Variants in LINGO1 observed in about 807,000 individuals in gnomAD.
LINGO1 encodes the protein leucine rich repeat and Ig domain containing 1.
LINGO1 carries 11 observed loss-of-function variants against 37.3 expected under a neutral mutation model. That is an observed-to-expected ratio of 0.29 (90% CI 0.19 to 0.49). The LOEUF (loss-of-function observed/expected upper bound fraction) is 0.49, where lower values mean the gene tolerates loss of function less well. Ranked by LOEUF, LINGO1 falls within the 20% of genes least tolerant of loss-of-function variation. The probability of loss-of-function intolerance (pLI) is 0.99; values close to 1 mark genes in which losing one functional copy is unlikely to be tolerated. For synonymous variants in LINGO1, 387 were observed against 403.0 expected, an observed-to-expected ratio of 0.96 and a Z score of 0.48; for missense variants, 585 against 878.2, an observed-to-expected ratio of 0.67 and a Z score of 4.22.
upstream of LINGO1, among the ~76,000 whole-genome samples, chr15:77,635,257 T>A (rs532024499): frequency 6.6e-6 from 1 of 152,024 alleles, no homozygotes; most frequent in Non-Finnish European, 1.5e-5. Context: ...ACATGACCCC[T>A]CCCAGCTCTC....
At chr15:77,723,826 G>A (rs964257872) in intron 2 of LINGO1, among the ~76,000 whole-genome samples, 3 of 152,214 alleles carry the variant, frequency 2.0e-5, no homozygotes, top group Admixed American at 6.5e-5. Context: ...GGCACAGGTG[G>A]GGGAGGGGGC....
intron 1 of LINGO1, among the ~76,000 whole-genome samples, chr15:77,802,316 G>A (rs879865852): frequency 3.9e-5 from 6 of 152,140 alleles, no homozygotes; most frequent in Non-Finnish European, 5.9e-5. Context: ...TGACAGCAAA[G>A]AGACAGCATG....
At chr15:77,787,500 A>G (rs2076783134), upstream of LINGO1, among the ~76,000 whole-genome samples, 1 of 131,622 alleles carries the variant, frequency 7.6e-6, no homozygotes, top group Non-Finnish European at 1.6e-5. Context: ...AGAAGGACAC[A>G]GGGGTCCCGG....
chr15:77,630,852 C>T (rs964404540), intron 1 of LINGO1, among the ~76,000 whole-genome samples: 1 of 152,176 alleles, frequency 6.6e-6, no homozygotes. Flanking sequence ...TCTTTCAGCA[C>T]GGTTCCAAGG....
At chr15:77,694,263 C>T (rs2075653117) in intron 1 of LINGO1, among the ~76,000 whole-genome samples, 1 of 152,118 alleles carries the variant, frequency 6.6e-6, no homozygotes, top group African/African-American at 2.4e-5. Flanking sequence ...AGAACGCTCC[C>T]ACCGATTCTC....
chr15:77,810,999 C>T (rs936845481), intron 1 of LINGO1, among the ~76,000 whole-genome samples: 10 of 152,098 alleles, frequency 6.6e-5, no homozygotes, highest in African/African-American at 1.9e-4. Flanking sequence ...GTTTCACTTC[C>T]GATCTGTTCC....
upstream of LINGO1, chr15:77,788,358 CCTA>C (rs1333471395): frequency 4.6e-5 from 7 of 152,244 alleles, no homozygotes; most frequent in Non-Finnish European, 1.0e-4. Context: ...CATGCCTCAA[CCTA>C]CTTTATCCAC....
chr15:77,781,823 C>T (rs1028199433), intron 1 of LINGO1, among the ~76,000 whole-genome samples: 8 of 152,222 alleles, frequency 5.3e-5, no homozygotes, highest in Non-Finnish European at 7.3e-5. Context: ...ATTCATGCTT[C>T]GCACACCGAA....
chr15:77,657,545 A>G (rs56190272), intron 3 of LINGO1, among the ~76,000 whole-genome samples: 10,657 of 152,270 alleles, frequency 0.07, 515 homozygotes, highest in East Asian at 0.11. Flanking sequence ...AGGAACCCCA[A>G]AGGGGATAGG....
chr15:77,696,847 C>T (rs114862217), upstream of LINGO1, among the ~76,000 whole-genome samples: 50 of 152,378 alleles, frequency 3.3e-4, no homozygotes, highest in African/African-American at 1.2e-3. Flanking sequence ...CCCCAATTTG[C>T]AGGCTTAGAG....
intron 1 of LINGO1, among the ~76,000 whole-genome samples, chr15:77,756,485 G>GACAGAC (rs1288069939): frequency 1.5e-4 from 21 of 140,792 alleles, no homozygotes; most frequent in African/African-American, 5.8e-4. Context: ...CAGACAGACA[G>GACAGAC]ACACACACAC....
At chr15:77,660,936 A>G (rs1452566344) in intron 3 of LINGO1, among the ~76,000 whole-genome samples, 3 of 152,144 alleles carry the variant, frequency 2.0e-5, no homozygotes, top group Non-Finnish European at 4.4e-5. Context: ...AGTGCTGGGC[A>G]CTGCAGGGAG....
rs530690374 is a variant in LINGO1, at chr15:77,798,629, G to A, written c.-457-2576C>T. Among the ~76,000 whole-genome samples, 153 of 152,312 alleles carry A rather than the reference G, an allele frequency of 1.0e-3. 2 individuals carry two copies. The highest frequency in any genetic ancestry group is 9.7e-3 in the Admixed American group (149 of 15,306). Reference sequence around the variant, plus strand: ...GGGAGCCGGGCACTCTCCTGGACACGAGGTCTGCCAGTGTGCCAGGTCCCA... The same window carrying A: ...GGGAGCCGGGCACTCTCCTGGACACAAGGTCTGCCAGTGTGCCAGGTCCCA... On this transcript the variant is annotated intron_variant, in intron 1 of 5. Coordinates refer to the LINGO1 transcript ENST00000562933.
chr15:77,805,744 G>T (rs533909466), intron 1 of LINGO1, among the ~76,000 whole-genome samples: 7 of 152,230 alleles, frequency 4.6e-5, no homozygotes, highest in African/African-American at 1.7e-4. Flanking sequence ...TTTCCTGCCG[G>T]GCCCCTGTAG....
intron 1 of LINGO1, among the ~76,000 whole-genome samples, chr15:77,782,659 ACT>A (rs1405288479): frequency 4.6e-4 from 70 of 151,060 alleles, no homozygotes; most frequent in African/African-American, 1.7e-3. Flanking sequence ...CCCGACCAGG[ACT>A]CTCAGCCTTC....
chr15:77,645,305 G>C (rs2074600506), intron 3 of LINGO1, among the ~76,000 whole-genome samples: 1 of 151,694 alleles, frequency 6.6e-6, no homozygotes, highest in Non-Finnish European at 1.5e-5. Flanking sequence ...AAGACGCTGG[G>C]ACAGCAGGCC....
At chr15:77,692,579 G>C (rs531422927) in intron 1 of LINGO1, among the ~76,000 whole-genome samples, 1 of 152,192 alleles carries the variant, frequency 6.6e-6, no homozygotes, top group Non-Finnish European at 1.5e-5. Context: ...GGATGCATCC[G>C]AGAGACCTCG....
chr15:77,615,895 G>T lies in LINGO1; in HGVS notation c.12C>A (p.Ser4Arg). The T allele has an allele frequency of 6.8e-7, 1 of 1,468,482 alleles. No homozygotes were observed. Among genetic ancestry groups the T allele is most frequent in the Non-Finnish European group, 9.0e-7 (1 of 1,116,434 alleles). 91.0% of individuals were successfully genotyped at this position (1,468,482 alleles called of 1,614,324 possible). ...TCACGCCCCCCGCCAGCATCCTCTT[G>T]CTCACCTGCAGCCGGGAGCAAGCAC... MQV[S>R]KRMLAGGVRS... Residue 4 changes from serine (S) to arginine (R), a missense_variant, in exon 2 of 2, where the codon AGC (serine) becomes AGA (arginine). Around this residue, in one of 4 missense-constraint regions of LINGO1, gnomAD observed 65 missense variants for 57.0 expected, o/e 1.14. Coordinates refer to ENST00000355300, the MANE Select transcript of LINGO1 (RefSeq NM_032808.7).
Position 77,772,778 on chromosome 15 carries a change from T to TC in LINGO1, c.-257+14090dup, listed in dbSNP as rs556460764. 2.1e-4 allele frequency among the ~76,000 whole-genome samples: 32 copies of TC among 151,876 alleles called. No homozygotes were observed. In the South Asian group the frequency reaches 4.8e-3, roughly 23 times the overall value. On this transcript the variant is annotated intron_variant, in intron 1 of 3. Transcript: ENST00000561686. Reference sequence around the variant, plus strand: ...GTAATAAAGCCAGAAAAGCCCTCTTTCCCCCCACCTCCAGCTGCCTGCCCC... The same window carrying TC: ...GTAATAAAGCCAGAAAAGCCCTCTTTCCCCCCCACCTCCAGCTGCCTGCCCC...
Sources: allele counts gnomAD v4.1 joint callset (sites outside exome capture counted in the v4.1 genomes callset), GRCh38; gene constraint gnomAD v4.1.1; regional missense constraint gnomAD v4.1.1; transcripts MANE v1.5; gene names NCBI Gene and HGNC (gene_info 2026-07-23, HGNC 2026-07-21).